Variants in TUBGCP5 observed in about 807,000 individuals in gnomAD.
TUBGCP5 encodes tubulin gamma complex component 5.
TUBGCP5 carries 98 observed loss-of-function variants against 134.7 expected under a neutral mutation model. The ratio of observed to expected loss-of-function variants is 0.73; its 90% confidence interval spans 0.62 to 0.86. The LOEUF (loss-of-function observed/expected upper bound fraction) is 0.86. TUBGCP5 is among the 40% of genes least tolerant of loss of function. TUBGCP5 has a pLI of 0.00. For missense variants in TUBGCP5, 1,150 were observed against 1,244.8 expected, an observed-to-expected ratio of 0.92 and a Z score of 1.15; for synonymous variants, 456 against 431.4, an observed-to-expected ratio of 1.06 and a Z score of -0.71.
intron 3 of TUBGCP5, among the ~76,000 whole-genome samples, chr15:23,036,215 C>T (rs1280122672): frequency 2.0e-5 from 3 of 152,124 alleles, no homozygotes; most frequent in Non-Finnish European, 4.4e-5. Flanking sequence ...TGTGACCCAC[C>T]CCCAATAAAA....
rs571313145 is a variant in TUBGCP5, at chr15:23,000,011, A to G, written c.3029-145T>C. ...CTGCAACCTCTGCCTCCCGGGTTCA[A>G]GCAATTTTCCTGCCTCAGCCTGCTG... On this transcript the variant is annotated intron_variant, in intron 22 of 22. Coordinates refer to ENST00000615383, the MANE Select transcript of TUBGCP5 (RefSeq NM_052903.6). The G allele has an allele frequency of 1.3e-5, 10 of 751,706 alleles. No individual in the cohort carries two copies. In the African/African-American group the frequency reaches 1.8e-4, roughly 13 times the overall value. 46.6% of individuals were successfully genotyped at this position (751,706 alleles called of 1,614,324 possible).
chr15:23,002,520 T>C (rs2064446049), intron 21 of TUBGCP5, among the ~76,000 whole-genome samples: 1 of 152,216 alleles, frequency 6.6e-6, no homozygotes. Flanking sequence ...TCAGTGCACT[T>C]GCCTATGTGA....
rs554569170 is a variant in TUBGCP5 at position 22,988,516 on chromosome 15, G to A, written c.*62-4905C>T. On this transcript the variant is annotated intron_variant and NMD_transcript_variant, in intron 23 of 23. Transcript: ENST00000614508. Reference sequence around the variant, plus strand: ...TGGGAGGCCAAGGCGGGCGTATCACGAGGTCAGGAGATCGAGACCATCCTG... The same window carrying A: ...TGGGAGGCCAAGGCGGGCGTATCACAAGGTCAGGAGATCGAGACCATCCTG... Among the ~76,000 whole-genome samples the A allele has an allele frequency of 1.9e-4, 29 of 151,638 alleles. 1 individual carries two copies. In the South Asian group the frequency reaches 2.1e-3, roughly 11 times the overall value.
chr15:22,994,616 A>G (rs1245694723), downstream of TUBGCP5, among the ~76,000 whole-genome samples: 1 of 152,170 alleles, frequency 6.6e-6, no homozygotes, highest in Non-Finnish European at 1.5e-5. Context: ...GTTGATGGTC[A>G]TGTGGACTGT....
chr15:23,037,719 A>G (rs1489395628), intron 1 of TUBGCP5, among the ~76,000 whole-genome samples: 1 of 152,226 alleles, frequency 6.6e-6, no homozygotes, highest in East Asian at 1.9e-4. Flanking sequence ...TGATGTGAAA[A>G]CAGTATGCGA....
intron 22 of TUBGCP5, 154 bp downstream of exon 22, chr15:23,000,415 C>T (rs992318818): frequency 7.1e-7 from 1 of 1,409,712 alleles, no homozygotes; most frequent in Admixed American, 3.2e-5. Flanking sequence ...GCTTAAAAAG[C>T]AATTCAAAGC....
At position 22,999,872 on chromosome 15, in the gene TUBGCP5, G is replaced by A; in HGVS notation, c.3029-6C>T. On this transcript the variant is annotated splice_polypyrimidine_tract_variant and splice_region_variant and intron_variant, in intron 22 of 22. Coordinates refer to ENST00000615383, the MANE Select transcript of TUBGCP5 (RefSeq NM_052903.6). ...TGACAACGCTAGAGATTCCACTGTG[G>A]GAAGAATAAAAATAAGGTTAAAACA... 6.2e-7 allele frequency: 1 copy of A among 1,613,514 alleles called. No individual in the cohort carries two copies. Among genetic ancestry groups the A allele is most frequent in the East Asian group, 2.2e-5 (1 of 44,870 alleles).
At chr15:23,002,783 C>T (rs577766824) in intron 21 of TUBGCP5, among the ~76,000 whole-genome samples, 8 of 152,154 alleles carry the variant, frequency 5.3e-5, no homozygotes, top group South Asian at 2.1e-4. Context: ...TTTAACAAAA[C>T]GTACACAATA....
Position 23,031,030 on chromosome 15 carries a change from A to G in TUBGCP5, c.487-10T>C. Reference sequence around the variant, plus strand: ...TTTCTTCAGACCAATTCTGATTTAAAAAAGAGATACACTTTAGCTTTACAG... The same window carrying G: ...TTTCTTCAGACCAATTCTGATTTAAGAAAGAGATACACTTTAGCTTTACAG... On this transcript the variant is annotated splice_polypyrimidine_tract_variant and intron_variant, in intron 5 of 22. Transcript: ENST00000615383. 1 of 1,606,062 alleles carries G rather than the reference A, an allele frequency of 6.2e-7. No homozygotes were observed. The highest frequency in any genetic ancestry group is 8.5e-7 in the Non-Finnish European group (1 of 1,177,876).
At chr15:23,039,005 G>C (rs1046728288) in intron 1 of TUBGCP5, among the ~76,000 whole-genome samples, 1 of 151,468 alleles carries the variant, frequency 6.6e-6, no homozygotes, top group Non-Finnish European at 1.5e-5. Flanking sequence ...GGGAGCAGGA[G>C]TCAGTGAGAA....
chr15:23,016,969 G>GATATATATATATATATATAT (rs57631069), intron 13 of TUBGCP5, among the ~76,000 whole-genome samples: 2,143 of 109,078 alleles, frequency 0.02, 110 homozygotes, highest in Middle Eastern at 0.035. Context: ...AAAATTGTGA[G>GATATATATATATATATATAT]ATATATATAT....
In TUBGCP5 at chr15:23,027,177, A is replaced by C. The variant is rs1289084509; in HGVS notation, c.737+15T>G. On this transcript the variant is annotated intron_variant, in intron 7 of 22. Transcript: ENST00000615383. ...TCTTCTATCATCACATTAAATGAAA[A>C]CTTTAGCTTCTTACCAGACAGCAGC... 3.2e-6 allele frequency: 5 copies of C among 1,585,426 alleles called. No individual in the cohort carries two copies. The highest frequency in any genetic ancestry group is 4.3e-6 in the Non-Finnish European group (5 of 1,161,368).
chr15:23,005,860 C>T (rs1463008838), intron 18 of TUBGCP5, 192 bp downstream of exon 18: 1 of 670,134 alleles, frequency 1.5e-6, no homozygotes, highest in East Asian at 2.8e-5. Context: ...TTCTTTCAGG[C>T]ATTTGATGTC....
chr15:22,999,634 C>G lies in TUBGCP5; in HGVS notation c.*186G>C. 9.7e-6 allele frequency: 6 copies of G among 620,292 alleles called. No homozygotes were observed. The highest frequency in any genetic ancestry group is 8.4e-6 in the Non-Finnish European group (3 of 358,306). The allele number at this position is 620,292 out of a possible 1,614,324, so 38.4% of individuals were successfully genotyped here. On this transcript the variant is annotated 3_prime_UTR_variant, in exon 23 of 23. Coordinates refer to ENST00000615383, the MANE Select transcript of TUBGCP5 (RefSeq NM_052903.6). ...CAGGCTGGCCTCAAACTCCTGGGCT[C>G]AAGTGATCTGCCTGTCTTGGCCTCC...
intron 20 of TUBGCP5, among the ~76,000 whole-genome samples, chr15:23,003,355 T>C (rs1242746598): frequency 6.6e-6 from 1 of 152,222 alleles, no homozygotes; most frequent in Non-Finnish European, 1.5e-5. Context: ...ATACAAGTGA[T>C]ATTAGCAGTA....
At chr15:23,031,718 G>A (rs1011341811) in intron 5 of TUBGCP5, among the ~76,000 whole-genome samples, 9 of 151,998 alleles carry the variant, frequency 5.9e-5, no homozygotes, top group African/African-American at 1.2e-4. Context: ...CCTGCCTCTC[G>A]AAAGTGAGCA....
intron 19 of TUBGCP5, among the ~76,000 whole-genome samples, 163 bp downstream of exon 19, chr15:23,005,269 A>C (rs2064634949): frequency 2.0e-5 from 3 of 152,194 alleles, no homozygotes; most frequent in Non-Finnish European, 4.4e-5. Flanking sequence ...TATTTACAAA[A>C]ACATTCCTCC....
At chr15:22,988,021 C>G (rs934856359) in intron 23 of TUBGCP5, among the ~76,000 whole-genome samples, 16 of 151,472 alleles carry the variant, frequency 1.1e-4, no homozygotes, top group African/African-American at 3.7e-4. Flanking sequence ...CAGACACCCA[C>G]TCTGTGGTGC....
At chr15:23,003,803 C>T (rs928474303) in intron 20 of TUBGCP5, among the ~76,000 whole-genome samples, 6 of 152,028 alleles carry the variant, frequency 3.9e-5, no homozygotes, top group African/African-American at 1.4e-4. Context: ...CAGGTATGCA[C>T]CACCATGTCT....
Sources: gnomAD v4.1 joint callset for allele counts (sites outside exome capture counted in the v4.1 genomes callset) on GRCh38, gnomAD v4.1.1 for gene constraint, MANE v1.5 for transcripts, NCBI Gene and HGNC (gene_info 2026-07-23, HGNC 2026-07-21) for gene names.